Variants in CCDC28A observed in about 807,000 individuals in gnomAD.
CCDC28A encodes the protein coiled-coil domain containing 28A.
CCDC28A carries 24 observed loss-of-function variants against 22.1 expected under a neutral mutation model. The observed-to-expected ratio is 1.09, with a 90% CI of 0.79 to 1.53. The LOEUF (loss-of-function observed/expected upper bound fraction) is 1.53. Ranked by LOEUF, CCDC28A falls within the 40% of genes most tolerant of loss-of-function variation. The pLI is 0.00. For synonymous variants in CCDC28A, 83 were observed against 74.7 expected, an observed-to-expected ratio of 1.11 and a Z score of -0.57; for missense variants, 170 against 210.7, an observed-to-expected ratio of 0.81 and a Z score of 1.20.
At chr6:138,780,013 T>G in intron 3 of CCDC28A, 28 bp downstream of exon 3, 1 of 1,549,770 alleles carries the variant, frequency 6.5e-7, no homozygotes, top group East Asian at 2.3e-5. Context: ...CTGTATTATT[T>G]TTTTCTCTAA....
intron 3 of CCDC28A, among the ~76,000 whole-genome samples, chr6:138,781,890 C>T (rs923496438): frequency 6.6e-6 from 1 of 152,152 alleles, no homozygotes; most frequent in African/African-American, 2.4e-5. Flanking sequence ...CATTCTCAAA[C>T]ATGTCTGTAT....
At chr6:138,783,941 A>G (rs1775057275) in intron 3 of CCDC28A, among the ~76,000 whole-genome samples, 1 of 138,988 alleles carries the variant, frequency 7.2e-6, no homozygotes, top group Admixed American at 7.5e-5. Flanking sequence ...CAGTGGTGTG[A>G]TCATGGTTCA....
At chr6:138,775,590 C>T (rs1215081522) in intron 1 of CCDC28A, among the ~76,000 whole-genome samples, 1 of 152,142 alleles carries the variant, frequency 6.6e-6, no homozygotes, top group African/African-American at 2.4e-5. Context: ...AGTAAAATCC[C>T]TATGACAATT....
chr6:138,785,231 T>C lies in CCDC28A; in HGVS notation c.327T>C (p.Asn109=), dbSNP rs1368264461. The C allele has an allele frequency of 6.2e-7, 1 of 1,612,188 alleles. No homozygotes were observed. The highest frequency in any genetic ancestry group is 1.7e-5 in the Admixed American group (1 of 59,948). ...FHSGKLQAFG[N]ECSIEQMEHV... ...ATGTTCTGGAATGTTCCCAAGGAAA[T>C]GAATGTTCCATTGAACAGATGGAAC... is the stretch of plus-strand genomic sequence containing the variant. Residue 109 remains asparagine (N), a synonymous_variant, in exon 4 of 6, where the codon AAT becomes AAC. Coordinates refer to ENST00000617445, the MANE Select transcript of CCDC28A (RefSeq NM_015439.3).
At chr6:138,777,489 T>C (rs1774952535) in intron 2 of CCDC28A, among the ~76,000 whole-genome samples, 1 of 152,252 alleles carries the variant, frequency 6.6e-6, no homozygotes, top group Non-Finnish European at 1.5e-5. Flanking sequence ...CTCCTTTCTC[T>C]ATATTTTTAA....
chr6:138,778,345 C>T lies in CCDC28A; in HGVS notation c.159-1477C>T, dbSNP rs1054476658. The stretch of plus-strand genomic sequence containing the variant: ...TTCTCCCATTTTGCCAATTTAGCCC[C>T]TACTTGTTCTTTAAGTCTTTGCTCA... On this transcript the variant is annotated intron_variant, in intron 2 of 5. Transcript: ENST00000617445. Among the ~76,000 whole-genome samples, 12 of 152,160 alleles carry T rather than the reference C, an allele frequency of 7.9e-5. No homozygotes were observed. The East Asian group carries it at 2.1e-3, about 27-fold the overall frequency.
intron 2 of CCDC28A, among the ~76,000 whole-genome samples, chr6:138,778,589 A>G (rs2114901677): frequency 6.6e-6 from 1 of 152,322 alleles, no homozygotes; most frequent in South Asian, 2.1e-4. Context: ...TGTGGGAGGT[A>G]GCATGCCAAA....
intron 2 of CCDC28A, among the ~76,000 whole-genome samples, chr6:138,778,802 CTG>C (rs1770033490): frequency 6.7e-6 from 1 of 150,174 alleles, no homozygotes; most frequent in African/African-American, 2.5e-5. Context: ...GAGTCTCGCT[CTG>C]TCACCCAGGC....
intron 1 of CCDC28A, among the ~76,000 whole-genome samples, chr6:138,774,803 G>A (rs1448264996): frequency 6.6e-6 from 1 of 152,190 alleles, no homozygotes; most frequent in African/African-American, 2.4e-5. Context: ...TGCCAAAAAC[G>A]GCCTAATGTT....
chr6:138,779,369 A>G (rs1360124766), intron 2 of CCDC28A, among the ~76,000 whole-genome samples: 1 of 152,186 alleles, frequency 6.6e-6, no homozygotes, highest in Non-Finnish European at 1.5e-5. Context: ...ATGAATTTAA[A>G]TATCTTCCCT....
chr6:138,774,936 TTTTTG>T (rs369968469), intron 1 of CCDC28A, among the ~76,000 whole-genome samples: 1,617 of 151,976 alleles, frequency 0.011, 33 homozygotes, highest in African/African-American at 0.035. Flanking sequence ...GGAAGGGGTT[TTTTTG>T]TTTTGTTTTG....
intron 1 of CCDC28A, 118 bp downstream of exon 1, chr6:138,774,020 G>A: frequency 2.4e-6 from 3 of 1,250,256 alleles, no homozygotes; most frequent in South Asian, 1.4e-5. Context: ...TTGGGGAAGG[G>A]GAATGAGGTG....
At chr6:138,779,419 G>C (rs927723617) in intron 2 of CCDC28A, among the ~76,000 whole-genome samples, 1 of 152,182 alleles carries the variant, frequency 6.6e-6, no homozygotes, top group African/African-American at 2.4e-5. Context: ...GTTGGCTACA[G>C]AGTAGGGACT....
At chr6:138,778,027 G>A (rs973829212) in intron 2 of CCDC28A, among the ~76,000 whole-genome samples, 1 of 152,050 alleles carries the variant, frequency 6.6e-6, no homozygotes, top group Non-Finnish European at 1.5e-5. Context: ...TGAGTAACAA[G>A]GTATTACATA....
intron 5 of CCDC28A, among the ~76,000 whole-genome samples, chr6:138,792,049 G>A (rs1181146540): frequency 6.6e-6 from 1 of 152,172 alleles, no homozygotes; most frequent in African/African-American, 2.4e-5. Flanking sequence ...GTCTTCTTGA[G>A]GAACAATTAA....
chr6:138,776,266 C>T lies in CCDC28A; in HGVS notation c.146C>T (p.Pro49Leu). 1 of 1,612,674 alleles carries T rather than the reference C, an allele frequency of 6.2e-7. No individual in the cohort carries two copies. Among genetic ancestry groups the T allele is most frequent in the Admixed American group, 1.7e-5 (1 of 60,014 alleles). The part of the protein sequence containing the change: ...NPASQSTSQR[P>L]KLKRVMKEKT... ...GCATCACAGTCAACTTCACAGCGAC[C>T]AAAGTTAAAAAGGTGAATTCTTTTA... Residue 49 changes from proline to leucine, a missense_variant, in exon 2 of 6, where the codon CCA becomes CTA. Pro to Leu is a moderately conservative substitution (Grantham distance 98, BLOSUM62 -3). Transcript: ENST00000617445.
intron 2 of CCDC28A, among the ~76,000 whole-genome samples, chr6:138,776,916 C>G (rs933741889): frequency 6.6e-6 from 1 of 151,838 alleles, no homozygotes; most frequent in East Asian, 1.9e-4. Context: ...AGAAGAAATT[C>G]AAAATGCAAA....
At chr6:138,790,678 AAACT>A (rs1368622506) in intron 5 of CCDC28A, among the ~76,000 whole-genome samples, 1 of 152,138 alleles carries the variant, frequency 6.6e-6, no homozygotes, top group Non-Finnish European at 1.5e-5. Context: ...CTCAGTACTT[AAACT>A]TTCCCCTCCT....
chr6:138,792,633 C>A, intron 5 of CCDC28A, 116 bp from the exon 6 acceptor site: 1 of 711,530 alleles, frequency 1.4e-6, no homozygotes. Flanking sequence ...AGAGCTTTTC[C>A]TTTGAACATA....
Sources: gnomAD v4.1 joint callset for allele counts (sites outside exome capture counted in the v4.1 genomes callset) on GRCh38, gnomAD v4.1.1 for gene constraint, MANE v1.5 for transcripts, NCBI Gene and HGNC (gene_info 2026-07-23, HGNC 2026-07-21) for gene names.